The following SPTBN2 variants were observed in gnomAD, a reference collection of about 807,000 sequenced individuals.
The protein encoded by SPTBN2 is spectrin beta chain, non-erythrocytic 2.
SPTBN2 carries 107 observed loss-of-function variants against 284.2 expected under a neutral mutation model. That is an observed-to-expected ratio of 0.38 (90% CI 0.32 to 0.44). The LOEUF (loss-of-function observed/expected upper bound fraction) is 0.44. Among genes scored for constraint, SPTBN2 ranks in the 20% least tolerant of loss-of-function variants. The pLI, the probability that SPTBN2 is intolerant of heterozygous loss-of-function variation, is 1.00. For synonymous variants in SPTBN2, 1,289 were observed against 1,354.8 expected (o/e 0.95, Z 1.07); for missense variants, 2,569 against 3,287.1 (o/e 0.78, Z 5.34).
chr11:66,717,033 G>C (rs1262430482), intron 3 of SPTBN2, among the ~76,000 whole-genome samples: 1 of 152,152 alleles, frequency 6.6e-6, no homozygotes. Context: ...GCTGCAAGGG[G>C]ATCCAGTTCC....
In SPTBN2 at chr11:66,707,658, G is replaced by A; in HGVS notation, c.1511C>T (p.Ala504Val). ...ERYHDIKRIA[A>V]RQHNVARLWD... ...GAGCCGTGCCACGTTGTGCTGCCGA[G>A]CGGCGATGCGCTTGATGTCGTGGTA... Residue 504 changes from alanine to valine, a missense_variant, in exon 13 of 38, where the codon GCT becomes GTT. Physicochemically the swap from Ala to Val is moderately conservative, Grantham distance 64. Around this residue, in one of 6 missense-constraint regions of SPTBN2, gnomAD observed 1,012 missense variants for 1,248.9 expected, o/e 0.81. Coordinates refer to ENST00000533211, the MANE Select transcript of SPTBN2 (RefSeq NM_006946.4). The surrounding 1 kb of genome is among the most constrained non-coding windows in gnomAD (Gnocchi z 4.9). 6.2e-7 allele frequency: 1 copy of A among 1,607,748 alleles called. No homozygotes were observed. The highest frequency in any genetic ancestry group is 8.5e-7 in the Non-Finnish European group (1 of 1,179,850).
At chr11:66,703,789 C>G (rs1941376829) in intron 15 of SPTBN2, among the ~76,000 whole-genome samples, 2 of 151,398 alleles carry the variant, frequency 1.3e-5, no homozygotes, top group South Asian at 2.1e-4. Flanking sequence ...TATTGTGGTT[C>G]TATAAAAAAA....
chr11:66,705,524 T>C (rs1412481328), intron 14 of SPTBN2, 56 bp from the exon 15 acceptor site: 2 of 1,610,386 alleles, frequency 1.2e-6, no homozygotes, highest in Non-Finnish European at 1.7e-6. Flanking sequence ...GGCTGCTCCC[T>C]GCCACCACAC....
Position 66,715,526 on chromosome 11 carries a change from G to A in SPTBN2, c.310-131C>T. ...GAACACAGACAGGCACAGCCCCAGGGCTGGAGCCAAAGCTGAGCTTACAGA... is the reference window on the plus strand; with the variant it reads ...GAACACAGACAGGCACAGCCCCAGGACTGGAGCCAAAGCTGAGCTTACAGA... On this transcript the variant is annotated intron_variant, in intron 4 of 37. Coordinates refer to ENST00000533211, the MANE Select transcript of SPTBN2 (RefSeq NM_006946.4). The surrounding 1 kb of genome is among the most constrained non-coding windows in gnomAD (Gnocchi z 5.3). 1 of 1,277,004 alleles carries A rather than the reference G, an allele frequency of 7.8e-7. No individual in the cohort carries two copies. The highest frequency in any genetic ancestry group is 1.1e-6 in the Non-Finnish European group (1 of 932,694). The allele number at this position is 1,277,004 out of a possible 1,614,324, so 79.1% of individuals were successfully genotyped here.
rs910648419 is a variant in SPTBN2 at position 66,707,018 on chromosome 11, G to A, written c.1653+498C>T. On this transcript the variant is annotated intron_variant, in intron 13 of 37. Coordinates refer to ENST00000533211, the MANE Select transcript of SPTBN2 (RefSeq NM_006946.4). This position sits in a 1 kb window ranked among gnomAD's most constrained non-coding sequence, Gnocchi z 4.9. ...CCTGTAAGGCCCTAGTGGGCTGGCC[G>A]TGCCCTCCCAAATCTCAGTCCATGG... Among the ~76,000 whole-genome samples, 8 of 152,212 alleles carry A rather than the reference G, an allele frequency of 5.3e-5. No homozygotes were observed. Among genetic ancestry groups the A allele is most frequent in the African/African-American group, 9.7e-5 (4 of 41,442 alleles).
chr11:66,694,148 T>C lies in SPTBN2; in HGVS notation c.4494A>G (p.Glu1498=). Residue 1498 remains glutamate, a synonymous_variant, in exon 22 of 38, where the codon GAA becomes GAG. Coordinates refer to ENST00000533211, the MANE Select transcript of SPTBN2 (RefSeq NM_006946.4). The stretch of plus-strand genomic sequence containing the variant: ...GGCCCCAGTGACTCACAATCTCATC[T>C]TCCACATCGCGGTGGAACTGGTGCT... ...REQHQFHRDV[E]DEILWVTERL... 6.2e-7 allele frequency: 1 copy of C among 1,607,090 alleles called. No homozygotes were observed. Among genetic ancestry groups the C allele is most frequent in the Non-Finnish European group, 8.5e-7 (1 of 1,180,000 alleles).
rs567179491 is a variant in SPTBN2, at chr11:66,687,343, G to A, written c.6722+84C>T. Reference sequence around the variant, plus strand: ...AAGTCCTACCCTTTGCCCAGAAGATGTACTCTAAAGGGCATCCCTCCCTCT... The same window carrying A: ...AAGTCCTACCCTTTGCCCAGAAGATATACTCTAAAGGGCATCCCTCCCTCT... On this transcript the variant is annotated intron_variant, in intron 35 of 37. Coordinates refer to ENST00000533211, the MANE Select transcript of SPTBN2 (RefSeq NM_006946.4). This position sits in a 1 kb window ranked among gnomAD's most constrained non-coding sequence, Gnocchi z 5.2. 1.9e-6 allele frequency: 3 copies of A among 1,566,530 alleles called. No individual in the cohort carries two copies. The highest frequency in any genetic ancestry group is 2.7e-5 in the African/African-American group (2 of 74,356).
Position 66,689,296 on chromosome 11 carries a change from C to T in SPTBN2, c.5950-116G>A, listed in dbSNP as rs191312699. ...CTTTCTTTCTTTCTTTTTTTTGAGA[C>T]GGAGTTTCGCTCTTATCACCAAGGC... On this transcript the variant is annotated intron_variant, in intron 29 of 37. Transcript: ENST00000533211. The T allele has an allele frequency of 4.2e-5, 48 of 1,156,192 alleles. No homozygotes were observed. The East Asian group carries it at 5.7e-4, about 14-fold the overall frequency. 71.6% of individuals were successfully genotyped at this position (1,156,192 alleles called of 1,614,324 possible).
intron 36 of SPTBN2, 198 bp from the exon 37 acceptor site, chr11:66,686,638 G>C (rs1940132243): frequency 7.4e-6 from 5 of 677,912 alleles, no homozygotes; most frequent in Non-Finnish European, 2.5e-6. Context: ...GGCCCCAGAG[G>C]CAGGGGGAGC....
intron 1 of SPTBN2, among the ~76,000 whole-genome samples, chr11:66,723,672 G>A (rs1021075836): frequency 6.6e-6 from 1 of 152,106 alleles, no homozygotes; most frequent in Non-Finnish European, 1.5e-5. Context: ...TAATTTCTAC[G>A]AGGCCTAGGA....
In SPTBN2 at chr11:66,705,287, G is replaced by T; in HGVS notation, c.1989C>A (p.Leu663=). ...CTCGGCCCGTGTCGGCTGAGGCCAG[G>T]AGGTGCTGCTGCTCCCGCACCCAGG... ...AEAWVREQQH[L]LASADTGRDL... The change falls in exon 15 of 38, where the codon CTC becomes CTA. Residue 663 remains leucine (L), a synonymous_variant. Transcript: ENST00000533211. The T allele has an allele frequency of 6.2e-7, 1 of 1,601,522 alleles. No individual in the cohort carries two copies.
chr11:66,737,393 A>G (rs768785773), intron 1 of SPTBN2, among the ~76,000 whole-genome samples: 1 of 152,176 alleles, frequency 6.6e-6, no homozygotes, highest in Non-Finnish European at 1.5e-5. Flanking sequence ...CTATAATACA[A>G]TCATTCAGGC....
chr11:66,700,403 G>T lies in SPTBN2; in HGVS notation c.3573+123C>A. The stretch of plus-strand genomic sequence containing the variant: ...GCCTCCCAAAGTGCTGGAATTTCAG[G>T]TGTGAACCACTGCGCTGCCCCATTT... On this transcript the variant is annotated intron_variant, in intron 17 of 37. Transcript: ENST00000533211. The surrounding 1 kb of genome is among the most constrained non-coding windows in gnomAD (Gnocchi z 6.6). The T allele has an allele frequency of 7.2e-7, 1 of 1,385,074 alleles. No individual in the cohort carries two copies. The highest frequency in any genetic ancestry group is 1.0e-6 in the Non-Finnish European group (1 of 1,000,216). 85.8% of individuals were successfully genotyped at this position (1,385,074 alleles called of 1,614,324 possible).
In SPTBN2 at chr11:66,685,474, T is replaced by G; in HGVS notation, c.*397A>C. 3 of 277,708 alleles carry G rather than the reference T, an allele frequency of 1.1e-5. No individual in the cohort carries two copies. The highest frequency in any genetic ancestry group is 3.6e-5 in the South Asian group (1 of 28,012). 17.2% of individuals were successfully genotyped at this position (277,708 alleles called of 1,614,324 possible). A position where few individuals can be genotyped will look rare whatever the true frequency, so the allele number is the denominator to read the frequency against. ...AGAGGTTCCTGGCTGGTCTGAGGGG[T>G]GAGGAACCAGAAGGCAGAAGGCGAG... On this transcript the variant is annotated 3_prime_UTR_variant, in exon 38 of 38. Transcript: ENST00000533211. The surrounding 1 kb of genome is among the most constrained non-coding windows in gnomAD (Gnocchi z 4.4).
chr11:66,686,536 G>A, intron 36 of SPTBN2, 96 bp from the exon 37 acceptor site: 2 of 1,380,258 alleles, frequency 1.4e-6, no homozygotes, highest in African/African-American at 1.4e-5. Flanking sequence ...ACCAGGCTGG[G>A]ACATCTGGCT....
rs1941652958 is a variant in SPTBN2 at position 66,707,932 on chromosome 11, A to G, written c.1351-114T>C. Reference sequence around the variant, plus strand: ...GATCCCAGCTCCATGCGGTGGCTCTAAGTTCCCTCTCTATCCCACCCCCAT... The same window carrying G: ...GATCCCAGCTCCATGCGGTGGCTCTGAGTTCCCTCTCTATCCCACCCCCAT... On this transcript the variant is annotated intron_variant, in intron 12 of 37. Coordinates refer to ENST00000533211, the MANE Select transcript of SPTBN2 (RefSeq NM_006946.4). This position sits in a 1 kb window ranked among gnomAD's most constrained non-coding sequence, Gnocchi z 4.9. 1 of 1,433,326 alleles carries G rather than the reference A, an allele frequency of 7.0e-7. No homozygotes were observed. The highest frequency in any genetic ancestry group is 1.9e-5 in the Admixed American group (1 of 52,052). 88.8% of individuals were successfully genotyped at this position (1,433,326 alleles called of 1,614,324 possible).
At position 66,696,427 on chromosome 11, in the gene SPTBN2, G is replaced by C; in HGVS notation, c.4128C>G (p.Ala1376=). 6.2e-7 allele frequency: 1 copy of C among 1,613,148 alleles called. No individual in the cohort carries two copies. Among genetic ancestry groups the C allele is most frequent in the Non-Finnish European group, 8.5e-7 (1 of 1,180,032 alleles). Reference sequence around the variant, plus strand: ...CTCGGTTGGCATCAAAGAGGCTGCGGGCCTTGGCTTGGGTGGTGGTCTCCA... The same window carrying C: ...CTCGGTTGGCATCAAAGAGGCTGCGCGCCTTGGCTTGGGTGGTGGTCTCCA... ...DELETTTQAK[A]RSLFDANRAE... Residue 1376 remains alanine, a synonymous_variant, in exon 21 of 38, where the codon GCC becomes GCG. Coordinates refer to ENST00000533211, the MANE Select transcript of SPTBN2 (RefSeq NM_006946.4).
intron 29 of SPTBN2, 54 bp from the exon 30 acceptor site, chr11:66,689,234 C>G: frequency 1.0e-5 from 16 of 1,559,512 alleles, no homozygotes; most frequent in African/African-American, 1.4e-5. Context: ...GATCTTTCCA[C>G]GGCCCCTGGG....
rs1164224430 is a variant in SPTBN2, at chr11:66,688,657, G to T, written c.6227C>A (p.Thr2076Asn). 6.2e-7 allele frequency: 1 copy of T among 1,613,906 alleles called. No individual in the cohort carries two copies. Among genetic ancestry groups the T allele is most frequent in the Non-Finnish European group, 8.5e-7 (1 of 1,180,006 alleles). ...EERFCALEKL[T>N]ALEEREKERK... ...CCGGGGTCCTGTGTCCCTCACCGCA[G>T]TAAGCTTCTCCAGCGCACAGAATCG... The change falls in exon 31 of 38, where the codon ACT becomes AAT. Residue 2076 changes from threonine to asparagine, a missense_variant. Thr to Asn is a moderately conservative substitution (Grantham distance 65, BLOSUM62 0). This residue lies in a region of SPTBN2 where 1,130 missense variants were observed against 1,317.3 expected (regional missense o/e 0.86). Coordinates refer to ENST00000533211, the MANE Select transcript of SPTBN2 (RefSeq NM_006946.4).
Sources: gnomAD v4.1 joint callset for allele counts (sites outside exome capture counted in the v4.1 genomes callset) on GRCh38, gnomAD v4.1.1 for gene constraint, gnomAD v4.1.1 regional missense constraint, Gnocchi (gnomAD v3.1) non-coding constraint, MANE v1.5 for transcripts, NCBI Gene and HGNC (gene_info 2026-07-23, HGNC 2026-07-21) for gene names.